SEMA3E: variants seen among roughly 807,000 people sequenced by gnomAD.
SEMA3E encodes the protein semaphorin-3E.
A neutral mutation model predicts 93.6 loss-of-function variants in SEMA3E; 49 were observed. The ratio of observed to expected loss-of-function variants is 0.52; its 90% CI spans 0.42 to 0.66. SEMA3E has a LOEUF of 0.66. Ranked by LOEUF, SEMA3E falls within the 30% of genes least tolerant of loss-of-function variation. The pLI, the probability that SEMA3E is intolerant of heterozygous loss-of-function variation, is 0.00. For missense variants in SEMA3E, 906 were observed against 964.8 expected (o/e 0.94, Z 0.81); for synonymous variants, 363 against 330.7 (o/e 1.10, Z -1.06).
chr7:83,473,054 G>A (rs922923532), intron 2 of SEMA3E, among the ~76,000 whole-genome samples: 3 of 152,110 alleles, frequency 2.0e-5, no homozygotes, highest in Non-Finnish European at 4.4e-5. Context: ...TCCAATCTTG[G>A]TAGTTGTTTA....
chr7:83,394,317 T>C lies in SEMA3E; in HGVS notation c.1480A>G (p.Met494Val), dbSNP rs145819479. 6.8e-6 allele frequency: 11 copies of C among 1,613,094 alleles called. No homozygotes were observed. The highest frequency in any genetic ancestry group is 8.5e-6 in the Non-Finnish European group (10 of 1,179,698). The change falls in exon 13 of 17, where the codon ATG (methionine) becomes GTG (valine). Residue 494 changes from methionine (M) to valine (V), a missense_variant. By Grantham distance (21) the Met-to-Val change is conservative. Transcript: ENST00000643230. ...CTTACCCGCTTTGAAGAAATCTCCA[T>C]AGAAATAATAGGAACTGGATCCTGA... ...IFKDPVPIIS[M>V]EISSKRQQLY...
chr7:83,548,400 C>T (rs936862144), intron 1 of SEMA3E, among the ~76,000 whole-genome samples: 1 of 152,024 alleles, frequency 6.6e-6, no homozygotes, highest in Admixed American at 6.6e-5. Flanking sequence ...ATGACTATTA[C>T]AATATTCTAG....
intron 1 of SEMA3E, among the ~76,000 whole-genome samples, chr7:83,603,176 G>T (rs981838243): frequency 2.0e-5 from 3 of 152,072 alleles, no homozygotes; most frequent in Non-Finnish European, 4.4e-5. Context: ...ACTCCTGGGA[G>T]TAATAAAGCA....
chr7:83,498,231 A>G (rs186548519), intron 1 of SEMA3E, among the ~76,000 whole-genome samples: 3 of 152,150 alleles, frequency 2.0e-5, no homozygotes, highest in Non-Finnish European at 1.5e-5. Context: ...GTTTTCGGGG[A>G]TTCAAAGGTT....
intron 1 of SEMA3E, among the ~76,000 whole-genome samples, chr7:83,639,785 T>C (rs1198350381): frequency 4.6e-5 from 7 of 151,444 alleles, no homozygotes; most frequent in African/African-American, 1.7e-4. Context: ...TAAAATATAC[T>C]GTAGATTCAA....
chr7:83,565,774 A>G (rs1792136078), intron 1 of SEMA3E, among the ~76,000 whole-genome samples: 1 of 152,108 alleles, frequency 6.6e-6, no homozygotes, highest in African/African-American at 2.4e-5. Context: ...TGTTTTTTCC[A>G]GTTTCTAAGG....
At chr7:83,474,258 G>A (rs1789964545) in intron 2 of SEMA3E, among the ~76,000 whole-genome samples, 1 of 152,000 alleles carries the variant, frequency 6.6e-6, no homozygotes, top group African/African-American at 2.4e-5. Flanking sequence ...TGATACATGA[G>A]TAATAATGGG....
intron 1 of SEMA3E, among the ~76,000 whole-genome samples, chr7:83,498,151 TA>T (rs1383331223): frequency 5.3e-5 from 8 of 152,128 alleles, no homozygotes; most frequent in African/African-American, 7.2e-5. Flanking sequence ...ATAATACATA[TA>T]AAAATATGTG....
chr7:83,441,560 C>T (rs919271387), intron 4 of SEMA3E, among the ~76,000 whole-genome samples: 1 of 152,122 alleles, frequency 6.6e-6, no homozygotes, highest in Non-Finnish European at 1.5e-5. Flanking sequence ...ACAATGATAG[C>T]TATAGTCATA....
chr7:83,436,502 T>TAC (rs1037563788), intron 4 of SEMA3E, among the ~76,000 whole-genome samples: 1 of 151,768 alleles, frequency 6.6e-6, no homozygotes, highest in African/African-American at 2.4e-5. Flanking sequence ...TACACACATA[T>TAC]ACATATATAT....
Position 83,623,454 on chromosome 7 carries a change from T to A in SEMA3E, c.115+24974A>T, listed in dbSNP as rs185341693. ...GTGTGTTCAAATATATTGCTACATA[T>A]CCGAAAGAAAATTTACACACCAACA... On this transcript the variant is annotated intron_variant, in intron 1 of 16. Coordinates refer to ENST00000643230, the MANE Select transcript of SEMA3E (RefSeq NM_012431.3). Among the ~76,000 whole-genome samples the A allele has an allele frequency of 1.9e-4, 29 of 152,240 alleles. No homozygotes were observed. The East Asian group carries it at 4.2e-3, about 22-fold the overall frequency.
intron 2 of SEMA3E, among the ~76,000 whole-genome samples, chr7:83,480,940 A>G (rs1790132196): frequency 6.6e-6 from 1 of 152,206 alleles, no homozygotes; most frequent in Non-Finnish European, 1.5e-5. Context: ...TTTATTTTCA[A>G]ATTATCTATT....
intron 1 of SEMA3E, among the ~76,000 whole-genome samples, chr7:83,644,354 G>A (rs2115720931): frequency 6.6e-6 from 1 of 151,998 alleles, no homozygotes; most frequent in East Asian, 1.9e-4. Context: ...CGATTTAAGA[G>A]CAACTTTATC....
intron 1 of SEMA3E, among the ~76,000 whole-genome samples, chr7:83,560,696 T>C (rs997170957): frequency 2.6e-5 from 4 of 151,996 alleles, no homozygotes; most frequent in African/African-American, 9.7e-5. Context: ...TTAATATTTA[T>C]ATGAGATGAT....
chr7:83,617,433 TAATTTTATATA>T (rs1340454369), intron 1 of SEMA3E, among the ~76,000 whole-genome samples: 6 of 128,344 alleles, frequency 4.7e-5, no homozygotes, highest in Non-Finnish European at 6.8e-5. Context: ...TTTATATTAA[TAATTTTATATA>T]AATTTTATAT....
rs140505382 is a variant in SEMA3E at position 83,473,254 on chromosome 7, TAA to T, written c.277-3954_277-3953del. On this transcript the variant is annotated intron_variant, in intron 2 of 16. Transcript: ENST00000643230. Reference sequence around the variant, plus strand: ...ACAGCTTCTTTCTCCTCAGGATGCTTAAGAGTCCTCAGAGACCTTAGTTAAGA... The same window carrying T: ...ACAGCTTCTTTCTCCTCAGGATGCTTGAGTCCTCAGAGACCTTAGTTAAGA... 6.3e-3 allele frequency among the ~76,000 whole-genome samples: 959 copies of T among 152,256 alleles called. 15 individuals carry two copies. The highest frequency in any genetic ancestry group is 0.022 in the African/African-American group (896 of 41,548).
rs1329539206 is a variant in SEMA3E at position 83,363,239 on chromosome 7, TGAGA to T, written c.*4343_*4346del. 6.6e-6 allele frequency: 1 copy of T among 152,152 alleles called. No individual in the cohort carries two copies. The highest frequency in any genetic ancestry group is 1.5e-5 in the Non-Finnish European group (1 of 68,034). 9.4% of individuals were successfully genotyped at this position (152,152 alleles called of 1,614,324 possible). A position where few individuals can be genotyped will look rare whatever the true frequency, so the allele number is the denominator to read the frequency against. On this transcript the variant is annotated 3_prime_UTR_variant, in exon 17 of 17. Coordinates refer to ENST00000643230, the MANE Select transcript of SEMA3E (RefSeq NM_012431.3). ...TAGAAAATGCTCCCCAGACGACACT[TGAGA>T]GTTTAGCAAATATTTATTTCTTTTT...
intron 10 of SEMA3E, among the ~76,000 whole-genome samples, chr7:83,401,058 C>A (rs898020120): frequency 1.3e-5 from 2 of 152,128 alleles, no homozygotes; most frequent in African/African-American, 4.8e-5. Flanking sequence ...AAGACACTCT[C>A]TGTTTGCTGT....
At chr7:83,637,138 C>A (rs1457888742) in intron 1 of SEMA3E, among the ~76,000 whole-genome samples, 1 of 151,700 alleles carries the variant, frequency 6.6e-6, no homozygotes, top group African/African-American at 2.4e-5. Context: ...TATACCTATA[C>A]CTAGCTTCCC....
Sources: gnomAD v4.1 joint callset for allele counts (sites outside exome capture counted in the v4.1 genomes callset) on GRCh38, gnomAD v4.1.1 for gene constraint, MANE v1.5 for transcripts, NCBI Gene and HGNC (gene_info 2026-07-23, HGNC 2026-07-21) for gene names.